Variants in PRICKLE2 observed in about 807,000 individuals in gnomAD.
PRICKLE2 encodes prickle-like protein 2.
PRICKLE2 carries 21 observed loss-of-function variants against 81.4 expected under a neutral mutation model. That is an observed-to-expected ratio of 0.26 (90% CI 0.18 to 0.37). The LOEUF (loss-of-function observed/expected upper bound fraction) is 0.37. PRICKLE2 is among the 10% of genes least tolerant of loss of function. The pLI, the probability that PRICKLE2 is intolerant of heterozygous loss-of-function variation, is 1.00. For missense variants in PRICKLE2, 940 were observed against 1,109.0 expected (o/e 0.85, Z 2.16); for synonymous variants, 456 against 421.5 (o/e 1.08, Z -1.00).
chr3:64,251,422 GTTCT>G (rs1215377317), intron 2 of PRICKLE2, among the ~76,000 whole-genome samples: 43 of 152,276 alleles, frequency 2.8e-4, no homozygotes, highest in African/African-American at 9.6e-4. Context: ...CTCCTTACTG[GTTCT>G]TTGTCAGTGG....
chr3:64,163,317 G>A, intron 2 of PRICKLE2, 188 bp from the exon 3 acceptor site: 1 of 635,854 alleles, frequency 1.6e-6, no homozygotes, highest in Admixed American at 2.3e-5. Flanking sequence ...CAAGAGTCAG[G>A]CAAATCATCC....
chr3:64,160,151 GT>G (rs2077708604), intron 3 of PRICKLE2, 74 bp from the exon 4 acceptor site: 1 of 1,515,662 alleles, frequency 6.6e-7, no homozygotes, highest in Non-Finnish European at 9.1e-7. Flanking sequence ...ATGACTCTGA[GT>G]TTTCTCGTTA....
At chr3:64,160,814 A>C (rs767545031) in intron 3 of PRICKLE2, among the ~76,000 whole-genome samples, 1 of 152,210 alleles carries the variant, frequency 6.6e-6, no homozygotes, top group Non-Finnish European at 1.5e-5. Context: ...CACCTTGGGA[A>C]TTGTGCTATA....
At chr3:64,104,522 T>C (rs1377856878) in intron 7 of PRICKLE2, 1 of 152,230 alleles carries the variant, frequency 6.6e-6, no homozygotes, top group Non-Finnish European at 1.5e-5. Flanking sequence ...GCATCCTGCT[T>C]GTGAACAGAT....
intron 2 of PRICKLE2, among the ~76,000 whole-genome samples, chr3:64,257,943 C>A (rs1225517419): frequency 6.6e-6 from 1 of 152,152 alleles, no homozygotes; most frequent in Non-Finnish European, 1.5e-5. Context: ...GCTAGCTCTT[C>A]CCTTCCACTG....
At chr3:64,212,732 T>C (rs2078808933) in intron 1 of PRICKLE2, among the ~76,000 whole-genome samples, 1 of 152,140 alleles carries the variant, frequency 6.6e-6, no homozygotes, top group Non-Finnish European at 1.5e-5. Flanking sequence ...ATATACAACA[T>C]TCTTGGTATA....
chr3:64,244,162 C>T (rs696238), intron 2 of PRICKLE2, among the ~76,000 whole-genome samples: 14 of 152,140 alleles, frequency 9.2e-5, no homozygotes, highest in African/African-American at 3.1e-4. Context: ...GGGAAGTTAC[C>T]GTATTTTGGC....
At chr3:64,138,408 G>C (rs1362657187) in intron 7 of PRICKLE2, among the ~76,000 whole-genome samples, 1 of 152,164 alleles carries the variant, frequency 6.6e-6, no homozygotes, top group African/African-American at 2.4e-5. Context: ...ACACTAATAG[G>C]GAAGATCAAT....
intron 2 of PRICKLE2, among the ~76,000 whole-genome samples, chr3:64,185,885 T>C (rs576156047): frequency 4.6e-5 from 7 of 152,170 alleles, no homozygotes; most frequent in Non-Finnish European, 1.0e-4. Flanking sequence ...AGATAGCAAA[T>C]GTACCTATCA....
chr3:64,245,506 C>G (rs2079334220), intron 2 of PRICKLE2, among the ~76,000 whole-genome samples: 1 of 152,110 alleles, frequency 6.6e-6, no homozygotes, highest in East Asian at 1.9e-4. Flanking sequence ...TGTCCGCCCT[C>G]ATAACAATAG....
chr3:64,249,502 G>C (rs1173417185), intron 2 of PRICKLE2, among the ~76,000 whole-genome samples: 1 of 152,208 alleles, frequency 6.6e-6, no homozygotes, highest in Non-Finnish European at 1.5e-5. Flanking sequence ...AACTGTCATT[G>C]TCTTGTCAAA....
intron 7 of PRICKLE2, among the ~76,000 whole-genome samples, chr3:64,111,560 A>G (rs1246725961): frequency 1.3e-5 from 2 of 152,252 alleles, no homozygotes; most frequent in African/African-American, 2.4e-5. Flanking sequence ...CAGCAGCTGC[A>G]ATGAAAACAG....
intron 2 of PRICKLE2, among the ~76,000 whole-genome samples, chr3:64,236,816 A>C (rs1298604450): frequency 2.0e-5 from 3 of 152,236 alleles, no homozygotes; most frequent in Non-Finnish European, 4.4e-5. Context: ...AATGACGGTG[A>C]CAATTGTATT....
intron 2 of PRICKLE2, among the ~76,000 whole-genome samples, chr3:64,263,367 A>G (rs1309866808): frequency 6.6e-6 from 1 of 152,202 alleles, no homozygotes; most frequent in Non-Finnish European, 1.5e-5. Context: ...TGTATCCACA[A>G]TTCTGCAGCA....
chr3:64,147,712 T>TGA lies in PRICKLE2; in HGVS notation c.788-12_788-11dup, dbSNP rs753319675. 1 of 1,613,360 alleles carries TGA rather than the reference T, an allele frequency of 6.2e-7. No homozygotes were observed. Among genetic ancestry groups the TGA allele is most frequent in the Admixed American group, 1.7e-5 (1 of 60,030 alleles). ...TGACCTTGGTCGATACCTAAAAAAA[T>TGA]GAGAGACATTGGAGAGGCTGATGAG... is the stretch of plus-strand genomic sequence containing the variant. On this transcript the variant is annotated splice_polypyrimidine_tract_variant and intron_variant, in intron 6 of 7. Coordinates refer to ENST00000638394, the MANE Select transcript of PRICKLE2 (RefSeq NM_198859.4). This position sits in a 1 kb window ranked among gnomAD's most constrained non-coding sequence, Gnocchi z 5.0.
At chr3:64,245,501 G>A (rs530734312) in intron 2 of PRICKLE2, among the ~76,000 whole-genome samples, 24 of 152,160 alleles carry the variant, frequency 1.6e-4, no homozygotes, top group African/African-American at 4.6e-4. Flanking sequence ...ATCAGTGTCC[G>A]CCCTCATAAC....
chr3:64,245,011 G>C (rs954320322), intron 2 of PRICKLE2, among the ~76,000 whole-genome samples: 2 of 152,118 alleles, frequency 1.3e-5, no homozygotes, highest in Non-Finnish European at 2.9e-5. Flanking sequence ...CCAATCTAAA[G>C]AATGTGGAAT....
intron 2 of PRICKLE2, among the ~76,000 whole-genome samples, chr3:64,249,396 G>A (rs994623032): frequency 3.3e-5 from 5 of 152,112 alleles, no homozygotes; most frequent in Non-Finnish European, 7.4e-5. Context: ...ATTACAATTC[G>A]ACATGAGATT....
chr3:64,167,906 C>A (rs1244423853), intron 2 of PRICKLE2, among the ~76,000 whole-genome samples: 1 of 152,164 alleles, frequency 6.6e-6, no homozygotes, highest in Non-Finnish European at 1.5e-5. Flanking sequence ...AGGGAACACA[C>A]TTTGTGAGTT....
Sources: allele counts gnomAD v4.1 joint callset (sites outside exome capture counted in the v4.1 genomes callset), GRCh38; gene constraint gnomAD v4.1.1; non-coding constraint Gnocchi (gnomAD v3.1); transcripts MANE v1.5; gene names NCBI Gene and HGNC (gene_info 2026-07-23, HGNC 2026-07-21).